Variants in PAQR9 observed in about 807,000 individuals in gnomAD.
PAQR9 encodes the protein membrane progestin receptor epsilon.
Under a neutral mutation model 24.0 loss-of-function variants are expected in PAQR9, and 12 were observed. The observed-to-expected ratio is 0.50, with a 90% CI of 0.32 to 0.81. PAQR9 has a LOEUF of 0.81. Ranked by LOEUF, PAQR9 falls within the 30% of genes least tolerant of loss-of-function variation. PAQR9 has a pLI of 0.03. For missense variants in PAQR9, 418 were observed against 520.8 expected, an observed-to-expected ratio of 0.80 and a Z score of 1.92; for synonymous variants, 266 against 237.6, an observed-to-expected ratio of 1.12 and a Z score of -1.10.
downstream of PAQR9, chr3:142,949,648 T>C (rs1236616453): frequency 6.6e-6 from 1 of 152,224 alleles, no homozygotes; most frequent in African/African-American, 2.4e-5. Flanking sequence ...AGGAATTTTT[T>C]CAGCTCTTAA....
At chr3:142,953,537 A>G (rs1351693637), downstream of PAQR9, among the ~76,000 whole-genome samples, 4 of 152,130 alleles carry the variant, frequency 2.6e-5, no homozygotes, top group African/African-American at 9.7e-5. Flanking sequence ...GGGACCCCAC[A>G]CTGGTAAGAC....
rs36296 is a variant in PAQR9 at position 142,960,036 on chromosome 3, T to G, written c.*2167A>C. On this transcript the variant is annotated 3_prime_UTR_variant, in exon 1 of 1. Coordinates refer to ENST00000340634, the MANE Select transcript of PAQR9 (RefSeq NM_198504.4). ...GTTACAGCTGAGGAATAACATCTGT[T>G]GTAAGTACAAATTAGCCTCTGTAAC... is the stretch of plus-strand genomic sequence containing the variant. 0.99 allele frequency among the ~76,000 whole-genome samples: 150,936 copies of G among 152,296 alleles called. 74,797 individuals are homozygous for G. The highest frequency in any genetic ancestry group is 1 in the East Asian group (5,186 of 5,186).
downstream of PAQR9, among the ~76,000 whole-genome samples, chr3:142,952,051 G>T (rs958685371): frequency 6.7e-6 from 1 of 149,772 alleles, no homozygotes; most frequent in African/African-American, 2.4e-5. Flanking sequence ...AAAAGAAGGG[G>T]GGGGGGTGTT....
chr3:142,962,954 C>A lies in PAQR9; in HGVS notation c.383G>T (p.Gly128Val). ...GCTCATGGCGAAGGTCAGCAGCACT[C>A]CCGACGCGTAGCACCACAACGGTAG... is the stretch of plus-strand genomic sequence containing the variant. ...WLLPLWCYAS[G>V]VLLTFAMSCT... The change falls in exon 1 of 1, where the codon GGA (glycine) becomes GTA (valine). Residue 128 changes from glycine (G) to valine (V), a missense_variant. Coordinates refer to ENST00000340634, the MANE Select transcript of PAQR9 (RefSeq NM_198504.4). 2 of 1,614,070 alleles carry A rather than the reference C, an allele frequency of 1.2e-6. No homozygotes were observed. The highest frequency in any genetic ancestry group is 1.7e-6 in the Non-Finnish European group (2 of 1,180,028).
chr3:142,954,031 C>T (rs1934756300), downstream of PAQR9, among the ~76,000 whole-genome samples: 1 of 152,184 alleles, frequency 6.6e-6, no homozygotes, highest in Non-Finnish European at 1.5e-5. Flanking sequence ...TATGTGCACT[C>T]CCCAGTGTTC....
downstream of PAQR9, chr3:142,950,680 A>C (rs1239378251): frequency 1.3e-5 from 3 of 227,216 alleles, no homozygotes; most frequent in Admixed American, 1.4e-4. Flanking sequence ...AGTCATGGAG[A>C]ATAAAGAATT....
chr3:142,950,349 G>A (rs766045766), downstream of PAQR9: 1 of 168,840 alleles, frequency 5.9e-6, no homozygotes, highest in Non-Finnish European at 1.3e-5. Flanking sequence ...CTGTTAAATT[G>A]TGATTCTCTG....
chr3:142,950,557 A>C (rs142363639), downstream of PAQR9: 76 of 446,788 alleles, frequency 1.7e-4, no homozygotes, highest in East Asian at 3.9e-3. Flanking sequence ...CATTACAGGA[A>C]ATGGGAACCT....
At chr3:142,951,913 T>C (rs926594332), downstream of PAQR9, 2 of 380,568 alleles carry the variant, frequency 5.3e-6, no homozygotes, top group Admixed American at 3.5e-5. Context: ...ACAAGGAGGC[T>C]GATGGAAATC....
At chr3:142,954,372 TTAA>T (rs1934761497), downstream of PAQR9, among the ~76,000 whole-genome samples, 1 of 152,234 alleles carries the variant, frequency 6.6e-6, no homozygotes, top group Non-Finnish European at 1.5e-5. Context: ...AATTTTCTTT[TTAA>T]TTTATCTAAT....
chr3:142,951,022 A>G (rs1934703430), downstream of PAQR9, among the ~76,000 whole-genome samples: 1 of 152,238 alleles, frequency 6.6e-6, no homozygotes, highest in African/African-American at 2.4e-5. Flanking sequence ...TATATAGATG[A>G]CATTGATACA....
At chr3:142,949,373 A>T (rs1934685622) in exon 3 of PAQR9, 1 of 152,206 alleles carries the variant, frequency 6.6e-6, no homozygotes, top group Non-Finnish European at 1.5e-5. Flanking sequence ...TGGAGTAAAA[A>T]CTAGGCCATT....
chr3:142,962,024 C>T lies in PAQR9; in HGVS notation c.*179G>A, dbSNP rs938588294. Reference sequence around the variant, plus strand: ...TTGACCACCCCTGCCAACCTCCCTACTTCAAAGCCTCCAGTGGGTTGGGAT... The same window carrying T: ...TTGACCACCCCTGCCAACCTCCCTATTTCAAAGCCTCCAGTGGGTTGGGAT... On this transcript the variant is annotated 3_prime_UTR_variant, in exon 1 of 1. Transcript: ENST00000340634. The T allele has an allele frequency of 1.5e-5, 11 of 723,614 alleles. No individual in the cohort carries two copies. Among genetic ancestry groups the T allele is most frequent in the Admixed American group, 5.7e-5 (2 of 35,168 alleles). 44.8% of individuals were successfully genotyped at this position (723,614 alleles called of 1,614,324 possible).
downstream of PAQR9, among the ~76,000 whole-genome samples, chr3:142,952,534 T>C (rs975334539): frequency 6.6e-6 from 1 of 152,186 alleles, no homozygotes; most frequent in Admixed American, 6.5e-5. Flanking sequence ...TTACAAGGCA[T>C]AAATATAACT....
In PAQR9 at chr3:142,956,280, T is replaced by G. The variant is rs1309192988; in HGVS notation, c.*5923A>C. The stretch of plus-strand genomic sequence containing the variant: ...GTGTACTGGGAGAAGCAGGGCCATC[T>G]TTACAGCACGGCCAAATGACCACCT... On this transcript the variant is annotated 3_prime_UTR_variant, in exon 1 of 1. Transcript: ENST00000340634. Among the ~76,000 whole-genome samples, 1 of 152,178 alleles carries G rather than the reference T, an allele frequency of 6.6e-6. No individual in the cohort carries two copies. The highest frequency in any genetic ancestry group is 2.4e-5 in the African/African-American group (1 of 41,448).
rs771332005 is a variant in PAQR9, at chr3:142,957,136, GAA to G, written c.*5065_*5066del. ...TTTTTGCCTCTGTCCTAATTTTATG[GAA>G]ACAAAGTAAGGGCTTTAAGCCAGGA... On this transcript the variant is annotated 3_prime_UTR_variant, in exon 1 of 1. Coordinates refer to ENST00000340634, the MANE Select transcript of PAQR9 (RefSeq NM_198504.4). Among the ~76,000 whole-genome samples, 137 of 152,268 alleles carry G rather than the reference GAA, an allele frequency of 9.0e-4. 1 individual carries two copies. The highest frequency in any genetic ancestry group is 2.8e-3 in the African/African-American group (116 of 41,534).
upstream of PAQR9, chr3:142,963,692 G>T: frequency 3.0e-6 from 2 of 670,644 alleles, no homozygotes; most frequent in Non-Finnish European, 3.7e-6. Context: ...GCGCGGTGCG[G>T]GTGCCTCCGC....
chr3:142,952,759 CAAG>C (rs1045409238), downstream of PAQR9: 7 of 456,494 alleles, frequency 1.5e-5, no homozygotes, highest in Admixed American at 1.6e-4. Flanking sequence ...CAGGAAAAAA[CAAG>C]AAGAGTGGGG....
rs771332071 is a variant in PAQR9 at position 142,959,397 on chromosome 3, G to A, written c.*2806C>T. Among the ~76,000 whole-genome samples, 18 of 152,188 alleles carry A rather than the reference G, an allele frequency of 1.2e-4. No homozygotes were observed. The highest frequency in any genetic ancestry group is 3.9e-4 in the Admixed American group (6 of 15,286). On this transcript the variant is annotated 3_prime_UTR_variant, in exon 1 of 1. Coordinates refer to ENST00000340634, the MANE Select transcript of PAQR9 (RefSeq NM_198504.4). ...AGTTTAACAAATCATCCCTGGCTTT[G>A]ACTAGTGTATATGGTACCTATTTGC...
Sources: gnomAD v4.1 joint callset for allele counts (sites outside exome capture counted in the v4.1 genomes callset) on GRCh38, gnomAD v4.1.1 for gene constraint, MANE v1.5 for transcripts, NCBI Gene and HGNC (gene_info 2026-07-23, HGNC 2026-07-21) for gene names.